Variants in PRG4 observed in about 807,000 individuals in gnomAD.
PRG4 encodes the protein articular superficial zone protein.
PRG4 carries 61 observed loss-of-function variants against 91.2 expected under a neutral mutation model. That is an observed-to-expected ratio of 0.67 (90% CI 0.54 to 0.83). The LOEUF (loss-of-function observed/expected upper bound fraction) is 0.83, where lower values mean the gene tolerates loss of function less well. Ranked by LOEUF, PRG4 falls within the 40% of genes least tolerant of loss-of-function variation. The probability of loss-of-function intolerance (pLI) is 0.00; values close to 1 mark genes in which losing one functional copy is unlikely to be tolerated. For synonymous variants in PRG4, 576 were observed against 614.2 expected (o/e 0.94, Z 0.92); for missense variants, 1,564 against 1,714.2 (o/e 0.91, Z 1.55).
In PRG4 at chr1:186,307,525, C is replaced by T. The variant is rs1333913648; in HGVS notation, c.1806C>T (p.Pro602=). ...CCACCACCACCAAGAAGCCTGCACC[C>T]ACCACTCCCAAAGAGCCTGCCCCAA... ...PAPTTTKKPA[P]TTPKEPAPTT... is the part of the protein sequence containing the mutation. Residue 602 remains proline (P), a synonymous_variant, in exon 7 of 13, where the codon CCC becomes CCT. Coordinates refer to ENST00000445192, the MANE Select transcript of PRG4 (RefSeq NM_005807.6). 5.7e-6 allele frequency: 9 copies of T among 1,572,980 alleles called. No homozygotes were observed. Among genetic ancestry groups the T allele is most frequent in the Non-Finnish European group, 7.8e-6 (9 of 1,150,210 alleles).
In PRG4 at chr1:186,301,860, A is replaced by C. The variant is rs1016787470; in HGVS notation, c.319+149A>C. The C allele has an allele frequency of 1.5e-4, 185 of 1,207,298 alleles. 1 individual carries two copies. Among genetic ancestry groups the C allele is most frequent in the Middle Eastern group, 2.3e-4 (1 of 4,356 alleles). 74.8% of individuals were successfully genotyped at this position (1,207,298 alleles called of 1,614,324 possible). A position where few individuals can be genotyped will look rare whatever the true frequency, so the allele number is the denominator to read the frequency against. On this transcript the variant is annotated intron_variant, in intron 4 of 12. Transcript: ENST00000445192. ...ATTTCATAATAATTTTGTTTTGTGG[A>C]GATGAATTAAAGAAGAAAAGCGCCT... is the stretch of plus-strand genomic sequence containing the variant.
In PRG4 at chr1:186,314,408, TAAATATA is replaced by T. The variant is rs1361778211; in HGVS notation, c.*639_*645del. ...AATTTGGATTTAAGGAAGAAATCAA[TAAATATA>T]AAATATAAGCACATATTTATTATAT... On this transcript the variant is annotated 3_prime_UTR_variant, in exon 13 of 13. Coordinates refer to ENST00000445192, the MANE Select transcript of PRG4 (RefSeq NM_005807.6). 2 of 361,882 alleles carry T rather than the reference TAAATATA, an allele frequency of 5.5e-6. No individual in the cohort carries two copies. Among genetic ancestry groups the T allele is most frequent in the Non-Finnish European group, 9.8e-6 (2 of 203,568 alleles). 22.4% of individuals were successfully genotyped at this position (361,882 alleles called of 1,614,324 possible). A position where few individuals can be genotyped will look rare whatever the true frequency, so the allele number is the denominator to read the frequency against.
chr1:186,308,455 T>A lies in PRG4; in HGVS notation c.2736T>A (p.Thr912=). The A allele has an allele frequency of 4.3e-6, 7 of 1,613,762 alleles. No homozygotes were observed. Among genetic ancestry groups the A allele is most frequent in the Non-Finnish European group, 5.9e-6 (7 of 1,179,988 alleles). Residue 912 remains threonine (T), a synonymous_variant, in exon 7 of 13, where the codon ACT becomes ACA. Transcript: ENST00000445192. ...CTGCAGCGACTAAACCTGAAATGAC[T>A]ACAACAGCTAAAGACAAGACAACAG... The part of the protein sequence containing the change: ...KTPAATKPEM[T]TTAKDKTTER...
chr1:186,312,675 C>A, intron 11 of PRG4, 94 bp from the exon 12 acceptor site: 1 of 1,356,758 alleles, frequency 7.4e-7, no homozygotes, highest in Non-Finnish European at 1.1e-6. Flanking sequence ...CATCAGAGGG[C>A]TAAAACTGAG....
In PRG4 at chr1:186,311,026, A is replaced by T; in HGVS notation, c.3500-8A>T. 1 of 1,613,814 alleles carries T rather than the reference A, an allele frequency of 6.2e-7. No individual in the cohort carries two copies. The highest frequency in any genetic ancestry group is 8.5e-7 in the Non-Finnish European group (1 of 1,179,900). On this transcript the variant is annotated splice_polypyrimidine_tract_variant and splice_region_variant and intron_variant, in intron 8 of 12. Transcript: ENST00000445192. ...GCTTGTAGGCTGATGTCTTTCCTTA[A>T]ATTTTAGGTCATTATTTCTGGATGC...
chr1:186,311,315 C>T, intron 9 of PRG4, 125 bp from the exon 10 acceptor site: 1 of 1,404,834 alleles, frequency 7.1e-7, no homozygotes, highest in South Asian at 1.2e-5. Context: ...AGTTTGATAA[C>T]AGTAATGGTC....
rs1557972978 is a variant in PRG4 at position 186,312,903 on chromosome 1, TTAAC to T, written c.4117+14_4117+17del. Reference sequence around the variant, plus strand: ...CTATGCCTTTTCTAAAGGTAAGGTATTAACTAACAGTTTCCCAAGGAGGTGATAT... The same window carrying T: ...CTATGCCTTTTCTAAAGGTAAGGTATTAACAGTTTCCCAAGGAGGTGATAT... On this transcript the variant is annotated intron_variant, in intron 12 of 12. Transcript: ENST00000445192. 6.2e-7 allele frequency: 1 copy of T among 1,609,606 alleles called. No individual in the cohort carries two copies. The highest frequency in any genetic ancestry group is 8.5e-7 in the Non-Finnish European group (1 of 1,175,912).
At chr1:186,305,479 G>T (rs1656496227) in intron 6 of PRG4, among the ~76,000 whole-genome samples, 1 of 152,106 alleles carries the variant, frequency 6.6e-6, no homozygotes, top group Admixed American at 6.5e-5. Context: ...TGCCTGAAAA[G>T]AGATTTCCTT....
chr1:186,313,727 T>C lies in PRG4; in HGVS notation c.4164T>C (p.Ile1388=), dbSNP rs763843974. 1 of 1,610,590 alleles carries C rather than the reference T, an allele frequency of 6.2e-7. No homozygotes were observed. Among genetic ancestry groups the C allele is most frequent in the East Asian group, 2.2e-5 (1 of 44,752 alleles). The change falls in exon 13 of 13, where the codon ATT becomes ATC. Residue 1388 remains isoleucine, a synonymous_variant. Transcript: ENST00000445192. ...TGCCTAGTAGAACAGCAAGAGCAAT[T>C]ACTACTCGTTCTGGGCAGACCTTAT... ...IDVPSRTARA[I]TTRSGQTLSK...
chr1:186,301,614 C>T lies in PRG4; in HGVS notation c.222C>T (p.Cys74=), dbSNP rs1334836846. 1 of 1,613,908 alleles carries T rather than the reference C, an allele frequency of 6.2e-7. No individual in the cohort carries two copies. The highest frequency in any genetic ancestry group is 1.3e-5 in the African/African-American group (1 of 74,914). The change falls in exon 4 of 13, where the codon TGC becomes TGT. Residue 74 remains cysteine, a synonymous_variant. Coordinates refer to ENST00000445192, the MANE Select transcript of PRG4 (RefSeq NM_005807.6). ...TAGAGCTTTCCTGTAAAGGCCGCTG[C>T]TTTGAGTCCTTCGAGAGAGGGAGGG... is the stretch of plus-strand genomic sequence containing the variant. ...CTAELSCKGR[C]FESFERGREC...
chr1:186,309,843 C>A lies in PRG4; in HGVS notation c.3472C>A (p.Arg1158Ser). ...GCCAGTAGATGGACTGACTACTTTG[C>A]GCAATGGGACATTAGTTGCATTCCG... The part of the protein sequence containing the change: ...GKPVDGLTTL[R>S]NGTLVAFRGH... The change falls in exon 8 of 13, where the codon CGC (arginine) becomes AGC (serine). Residue 1158 changes from arginine to serine, a missense_variant. By Grantham distance (110) the Arg-to-Ser change is moderately radical (BLOSUM62 -1). This residue lies in a region of PRG4 where 1,079 missense variants were observed against 1,162.2 expected (regional missense o/e 0.93). Coordinates refer to ENST00000445192, the MANE Select transcript of PRG4 (RefSeq NM_005807.6). 6.2e-7 allele frequency: 1 copy of A among 1,613,528 alleles called. No homozygotes were observed. Among genetic ancestry groups the A allele is most frequent in the South Asian group, 1.1e-5 (1 of 91,070 alleles).
intron 1 of PRG4, 91 bp from the exon 2 acceptor site, chr1:186,296,754 CA>C (rs1168559095): frequency 1.0e-5 from 7 of 698,356 alleles, no homozygotes; most frequent in Admixed American, 2.3e-5. Context: ...ATTATTGTTA[CA>C]TTTTTAAAGT....
At chr1:186,301,852 T>C in intron 4 of PRG4, 141 bp downstream of exon 4, 1 of 1,272,320 alleles carries the variant, frequency 7.9e-7, no homozygotes, top group South Asian at 1.2e-5. Context: ...AATAATTTTG[T>C]TTTGTGGAGA....
chr1:186,305,916 A>G (rs185468393), intron 6 of PRG4, among the ~76,000 whole-genome samples: 1 of 152,294 alleles, frequency 6.6e-6, no homozygotes, highest in East Asian at 1.9e-4. Context: ...CTCTGAGATA[A>G]TTGGTGCAGC....
chr1:186,310,283 A>G (rs1188257995), intron 8 of PRG4, among the ~76,000 whole-genome samples: 1 of 152,182 alleles, frequency 6.6e-6, no homozygotes, highest in Non-Finnish European at 1.5e-5. Flanking sequence ...TCTGTCGGAG[A>G]GTAACAGAAG....
At chr1:186,310,135 TGGG>T (rs33985418) in intron 8 of PRG4, among the ~76,000 whole-genome samples, 2 of 86,290 alleles carry the variant, frequency 2.3e-5, no homozygotes, top group African/African-American at 8.1e-5. Flanking sequence ...TCATTTTTTT[TGGG>T]GGGGGGGGGT....
At chr1:186,300,731 A>G (rs1656158795) in intron 3 of PRG4, among the ~76,000 whole-genome samples, 1 of 152,234 alleles carries the variant, frequency 6.6e-6, no homozygotes, top group South Asian at 2.1e-4. Context: ...CTAGTGTTTA[A>G]TGATGAATTT....
Position 186,313,978 on chromosome 1 carries a change from A to T in PRG4, c.*200A>T, listed in dbSNP as rs181194443. 20 of 1,611,824 alleles carry T rather than the reference A, an allele frequency of 1.2e-5. No individual in the cohort carries two copies. In the South Asian group the frequency reaches 1.5e-4, roughly 12 times the overall value. Reference sequence around the variant, plus strand: ...TTATTGTTTACAGACCATTTAATTAATATTTCCTCTGTTTATTCCTCCTCT... The same window carrying T: ...TTATTGTTTACAGACCATTTAATTATTATTTCCTCTGTTTATTCCTCCTCT... On this transcript the variant is annotated 3_prime_UTR_variant, in exon 13 of 13. Transcript: ENST00000445192.
At chr1:186,305,022 TG>T (rs201228993) in intron 6 of PRG4, 100 bp downstream of exon 6, 23 of 1,253,264 alleles carry the variant, frequency 1.8e-5, no homozygotes, top group African/African-American at 4.5e-5. Flanking sequence ...CATCTTAATA[TG>T]GGGGGGAATA....
Sources: allele counts gnomAD v4.1 joint callset (sites outside exome capture counted in the v4.1 genomes callset), GRCh38; gene constraint gnomAD v4.1.1; regional missense constraint gnomAD v4.1.1; transcripts MANE v1.5; gene names NCBI Gene and HGNC (gene_info 2026-07-23, HGNC 2026-07-21).